Variants in CCSER1 observed in about 807,000 individuals in gnomAD.
CCSER1 encodes the protein coiled-coil serine rich protein 1.
In CCSER1, 41 loss-of-function variants were observed where a neutral mutation model predicts 82.0. The ratio of observed to expected loss-of-function variants is 0.50; its 90% CI spans 0.39 to 0.65. The LOEUF (loss-of-function observed/expected upper bound fraction) is 0.65. Among genes scored for constraint, CCSER1 ranks in the 30% least tolerant of loss-of-function variants. The probability of loss-of-function intolerance (pLI) is 0.00; values close to 1 mark genes in which losing one functional copy is unlikely to be tolerated. For synonymous variants in CCSER1, 414 were observed against 383.9 expected, an observed-to-expected ratio of 1.08 and a Z score of -0.92; for missense variants, 1,119 against 1,064.2, an observed-to-expected ratio of 1.05 and a Z score of -0.72.
intron 5 of CCSER1, among the ~76,000 whole-genome samples, chr4:90,625,185 C>T (rs1397441337): frequency 6.6e-6 from 1 of 152,148 alleles, no homozygotes; most frequent in Non-Finnish European, 1.5e-5. Context: ...TTTCTCCCCT[C>T]ACCAGCCTTA....
At chr4:90,564,687 GT>G (rs1553944956) in intron 5 of CCSER1, among the ~76,000 whole-genome samples, 75 of 143,688 alleles carry the variant, frequency 5.2e-4, no homozygotes, top group East Asian at 2.2e-3. Context: ...AATTCATTTT[GT>G]TTTTTTTTTT....
At chr4:91,167,142 T>C in intron 10 of CCSER1, among the ~76,000 whole-genome samples, 1 of 152,010 alleles carries the variant, frequency 6.6e-6, no homozygotes, top group Middle Eastern at 3.4e-3. Flanking sequence ...TTTATCAGAT[T>C]TGAATAAGTA....
chr4:91,110,608 A>T lies in CCSER1; in HGVS notation c.2217+24614A>T, dbSNP rs73834789. On this transcript the variant is annotated intron_variant, in intron 10 of 10. Coordinates refer to ENST00000509176, the MANE Select transcript of CCSER1 (RefSeq NM_001145065.2). The stretch of plus-strand genomic sequence containing the variant: ...TTATTTCTGTAATATTGTGCTTATC[A>T]CATTGTACTGTGACTTTTTGTTTAT... Among the ~76,000 whole-genome samples the T allele has an allele frequency of 4.5e-3, 662 of 148,546 alleles. 5 individuals are homozygous for T. The highest frequency in any genetic ancestry group is 0.016 in the African/African-American group (622 of 39,478).
intron 10 of CCSER1, among the ~76,000 whole-genome samples, chr4:91,175,947 T>G (rs1733292385): frequency 6.6e-6 from 1 of 152,256 alleles, no homozygotes; most frequent in Admixed American, 6.5e-5. Context: ...TCTGGGGTTT[T>G]TATGGCTTAG....
At chr4:90,790,447 T>A (rs1387114900) in intron 7 of CCSER1, among the ~76,000 whole-genome samples, 1 of 152,194 alleles carries the variant, frequency 6.6e-6, no homozygotes, top group Non-Finnish European at 1.5e-5. Flanking sequence ...TTCCCCAAAC[T>A]CTTGCCTCCA....
intron 7 of CCSER1, among the ~76,000 whole-genome samples, chr4:90,788,795 C>T (rs886539311): frequency 6.6e-6 from 1 of 152,238 alleles, no homozygotes; most frequent in East Asian, 1.9e-4. Context: ...GAAAGGCGAT[C>T]CTTTATCATT....
intron 10 of CCSER1, among the ~76,000 whole-genome samples, chr4:91,369,915 C>T (rs887172465): frequency 6.6e-6 from 1 of 151,530 alleles, no homozygotes; most frequent in Non-Finnish European, 1.5e-5. Context: ...CTCTTGACCT[C>T]ATGATCCTCC....
At chr4:91,016,129 A>G (rs756144371) in intron 9 of CCSER1, among the ~76,000 whole-genome samples, 5 of 152,010 alleles carry the variant, frequency 3.3e-5, no homozygotes, top group Non-Finnish European at 5.9e-5. Context: ...TAACAAAAAT[A>G]ATTATAGTTT....
intron 10 of CCSER1, among the ~76,000 whole-genome samples, chr4:91,328,036 G>A (rs1245954402): frequency 6.6e-6 from 1 of 152,112 alleles, no homozygotes; most frequent in Admixed American, 6.6e-5. Flanking sequence ...CCATTCAACA[G>A]GTCTCTAGAA....
chr4:91,389,253 C>T (rs1751503154), intron 10 of CCSER1, among the ~76,000 whole-genome samples: 4 of 151,914 alleles, frequency 2.6e-5, no homozygotes, highest in Admixed American at 2.6e-4. Context: ...GTGTTAAGAT[C>T]AGTGCCTAGA....
chr4:90,462,725 G>A (rs181577989), intron 4 of CCSER1, among the ~76,000 whole-genome samples: 5 of 152,186 alleles, frequency 3.3e-5, no homozygotes, highest in East Asian at 3.9e-4. Context: ...CAGCTTGGGC[G>A]AATAATAAAA....
intron 10 of CCSER1, among the ~76,000 whole-genome samples, chr4:91,256,219 C>T (rs1351139378): frequency 1.3e-5 from 2 of 152,164 alleles, no homozygotes; most frequent in African/African-American, 4.8e-5. Context: ...AAGCCCTGGT[C>T]TCCTGCAGGG....
At chr4:90,925,628 C>T (rs1581104889) in intron 9 of CCSER1, among the ~76,000 whole-genome samples, 1 of 152,032 alleles carries the variant, frequency 6.6e-6, no homozygotes, top group African/African-American at 2.4e-5. Flanking sequence ...CCTATCCATG[C>T]CTCATAATTT....
chr4:90,354,892 G>A (rs1744139496), intron 3 of CCSER1, among the ~76,000 whole-genome samples: 1 of 151,668 alleles, frequency 6.6e-6, no homozygotes, highest in Non-Finnish European at 1.5e-5. Context: ...CTCCTTCCCA[G>A]TGCTCTTTGT....
chr4:90,808,640 G>C (rs922232265), intron 7 of CCSER1, among the ~76,000 whole-genome samples: 10 of 152,070 alleles, frequency 6.6e-5, no homozygotes, highest in Non-Finnish European at 1.5e-4. Flanking sequence ...ATGAAAAAAT[G>C]CTCAACATCA....
intron 4 of CCSER1, among the ~76,000 whole-genome samples, chr4:90,453,527 C>T (rs1203768041): frequency 1.3e-5 from 2 of 152,142 alleles, no homozygotes; most frequent in Admixed American, 6.5e-5. Context: ...TTAAAGTGGA[C>T]CGAGACCAGT....
chr4:91,024,669 T>G (rs897887432), intron 9 of CCSER1, among the ~76,000 whole-genome samples: 1 of 152,088 alleles, frequency 6.6e-6, no homozygotes, highest in African/African-American at 2.4e-5. Flanking sequence ...CTGATTTATT[T>G]CAGTTCTCTA....
chr4:91,412,497 G>A (rs1328773137), intron 10 of CCSER1, among the ~76,000 whole-genome samples: 1 of 148,354 alleles, frequency 6.7e-6, no homozygotes, highest in Admixed American at 6.7e-5. Flanking sequence ...GGACATGAAA[G>A]CAGGTATTCA....
intron 9 of CCSER1, among the ~76,000 whole-genome samples, chr4:90,965,020 A>G (rs1272772601): frequency 6.6e-6 from 1 of 152,052 alleles, no homozygotes; most frequent in Non-Finnish European, 1.5e-5. Flanking sequence ...GCTACCCCCA[A>G]AAGCCTCATT....
Sources: allele counts gnomAD v4.1 joint callset (sites outside exome capture counted in the v4.1 genomes callset), GRCh38; gene constraint gnomAD v4.1.1; transcripts MANE v1.5; gene names NCBI Gene and HGNC (gene_info 2026-07-23, HGNC 2026-07-21).